KCNT2: variants seen among roughly 807,000 people sequenced by gnomAD.
KCNT2 encodes the protein potassium channel subfamily T member 2.
KCNT2 carries 67 observed loss-of-function variants against 153.8 expected under a neutral mutation model. That is an observed-to-expected ratio of 0.44 (90% CI 0.36 to 0.53). The LOEUF (loss-of-function observed/expected upper bound fraction) is 0.53, where lower values mean the gene tolerates loss of function less well. KCNT2 is among the 20% of genes least tolerant of loss of function. KCNT2 has a pLI of 0.00. For synonymous variants in KCNT2, 500 were observed against 458.8 expected (o/e 1.09, Z -1.15); for missense variants, 975 against 1,354.8 (o/e 0.72, Z 4.40).
intron 14 of KCNT2, among the ~76,000 whole-genome samples, chr1:196,353,340 T>G (rs1666904563): frequency 1.3e-5 from 2 of 151,904 alleles, no homozygotes; most frequent in Admixed American, 6.6e-5. Context: ...ACCACTGTGC[T>G]CCTCTATCTG....
At chr1:196,549,486 T>C (rs1657605091) in intron 1 of KCNT2, among the ~76,000 whole-genome samples, 1 of 152,068 alleles carries the variant, frequency 6.6e-6, no homozygotes, top group East Asian at 1.9e-4. Flanking sequence ...TTCACAAACA[T>C]CTCTGTGATA....
intron 1 of KCNT2, among the ~76,000 whole-genome samples, chr1:196,566,399 A>G (rs566448005): frequency 6.6e-6 from 1 of 152,206 alleles, no homozygotes; most frequent in African/African-American, 2.4e-5. Context: ...TTCAGTCATG[A>G]AGAAGGAATG....
chr1:196,495,373 A>G (rs1161876247), intron 1 of KCNT2, among the ~76,000 whole-genome samples: 1 of 152,068 alleles, frequency 6.6e-6, no homozygotes, highest in Non-Finnish European at 1.5e-5. Context: ...GCACCCAGGT[A>G]TTTAGTTCAG....
At chr1:196,398,719 T>TAATA (rs1558242679) in intron 12 of KCNT2, 48 bp from the exon 13 acceptor site, 2 of 992,298 alleles carry the variant, frequency 2.0e-6, no homozygotes, top group Non-Finnish European at 3.1e-6. Flanking sequence ...ACAATGTTTA[T>TAATA]AACATATAAA....
At chr1:196,584,644 A>G (rs1438030030) in intron 1 of KCNT2, among the ~76,000 whole-genome samples, 1 of 152,156 alleles carries the variant, frequency 6.6e-6, no homozygotes, top group Non-Finnish European at 1.5e-5. Flanking sequence ...ATATTGTCAA[A>G]CATTGTAGTA....
Position 196,467,789 on chromosome 1 carries a change from G to A in KCNT2, c.460-3C>T, listed in dbSNP as rs1156987381. The A allele has an allele frequency of 3.8e-6, 6 of 1,585,442 alleles. No homozygotes were observed. In the East Asian group the frequency reaches 9.0e-5, roughly 24 times the overall value. ...TTCCTTAAGGAAGGCCAGAATATCT[G>A]GAAAACAAAACAAAACAAAACTAGA... On this transcript the variant is annotated splice_polypyrimidine_tract_variant and splice_region_variant and intron_variant, in intron 6 of 27. Coordinates refer to ENST00000294725, the MANE Select transcript of KCNT2 (RefSeq NM_198503.5).
chr1:196,389,945 A>G (rs560292322), intron 13 of KCNT2, among the ~76,000 whole-genome samples: 8 of 151,726 alleles, frequency 5.3e-5, no homozygotes, highest in African/African-American at 1.4e-4. Flanking sequence ...CTGTCTGAGC[A>G]CTGAGAATTG....
intron 14 of KCNT2, among the ~76,000 whole-genome samples, chr1:196,354,300 T>C (rs538975550): frequency 3.3e-4 from 50 of 151,820 alleles, no homozygotes; most frequent in Non-Finnish European, 3.4e-4. Context: ...AGTTTGCTAG[T>C]ACATTTTGTT....
intron 13 of KCNT2, among the ~76,000 whole-genome samples, chr1:196,378,897 T>TC (rs1171384294): frequency 6.7e-6 from 1 of 149,526 alleles, no homozygotes; most frequent in Non-Finnish European, 1.5e-5. Flanking sequence ...AACTACTACC[T>TC]CCCCCAGTAT....
intron 27 of KCNT2, among the ~76,000 whole-genome samples, chr1:196,230,125 G>T (rs1235996164): frequency 6.6e-6 from 1 of 151,994 alleles, no homozygotes; most frequent in Non-Finnish European, 1.5e-5. Context: ...TAGTACTTAA[G>T]TAGCTAGAGA....
chr1:196,414,439 GA>G (rs542793910), intron 12 of KCNT2, among the ~76,000 whole-genome samples: 11 of 151,640 alleles, frequency 7.3e-5, no homozygotes, highest in Non-Finnish European at 1.6e-4. Context: ...GTTATTCTTG[GA>G]ATTGAGGCTA....
At chr1:196,504,147 A>G (rs10737672) in intron 1 of KCNT2, among the ~76,000 whole-genome samples, 129,960 of 151,718 alleles carry the variant, frequency 0.86, 56,508 homozygotes, top group South Asian at 0.99. Context: ...GGTTAGTTAC[A>G]TATGTATACA....
chr1:196,333,546 A>G (rs1664696207), intron 17 of KCNT2, among the ~76,000 whole-genome samples: 2 of 152,126 alleles, frequency 1.3e-5, no homozygotes, highest in African/African-American at 4.8e-5. Context: ...AATTATGAAA[A>G]TGAAGCTTAT....
Position 196,277,978 on chromosome 1 carries a change from T to C in KCNT2, c.2910+2882A>G, listed in dbSNP as rs1658733375. The stretch of plus-strand genomic sequence containing the variant: ...GTAAGAGATATGCACTTTAATGGTA[T>C]TTTTTTCATCTTGCAAAGCTATGAG... On this transcript the variant is annotated intron_variant, in intron 25 of 27. Transcript: ENST00000294725. 3.9e-5 allele frequency among the ~76,000 whole-genome samples: 6 copies of C among 152,120 alleles called. No homozygotes were observed. In the South Asian group the frequency reaches 6.2e-4, roughly 16 times the overall value.
chr1:196,283,733 G>T (rs1001269028), intron 23 of KCNT2, among the ~76,000 whole-genome samples: 1 of 151,952 alleles, frequency 6.6e-6, no homozygotes, highest in Non-Finnish European at 1.5e-5. Flanking sequence ...TTTTAAAAAA[G>T]CCACAAAATA....
At chr1:196,471,416 T>G (rs184237173) in intron 5 of KCNT2, among the ~76,000 whole-genome samples, 1 of 151,516 alleles carries the variant, frequency 6.6e-6, no homozygotes, top group African/African-American at 2.4e-5. Flanking sequence ...TTATGCCATG[T>G]TTTTTTTTAA....
At chr1:196,235,954 T>C (rs2102236114) in intron 27 of KCNT2, 32 bp downstream of exon 27, 1 of 1,294,104 alleles carries the variant, frequency 7.7e-7, no homozygotes. Flanking sequence ...TCTAAAAATA[T>C]CTGTCTTATA....
Position 196,469,010 on chromosome 1 carries a change from A to C in KCNT2, c.443T>G (p.Val148Gly), listed in dbSNP as rs1461108867. Residue 148 changes from valine (V) to glycine (G), a missense_variant, in exon 6 of 28, where the codon GTT (valine) becomes GGT (glycine). Val to Gly is a moderately radical substitution (Grantham distance 109, BLOSUM62 -3). Transcript: ENST00000294725. The part of the protein sequence containing the change: ...IPFILEIINA[V>G]PFIISIFWPS... ...AGGACTTACTGAGATAATGAAGGGA[A>C]CTGCATTAATTATTTCCAAGATGAA... 1.3e-6 allele frequency: 2 copies of C among 1,596,954 alleles called. No individual in the cohort carries two copies. The highest frequency in any genetic ancestry group is 1.7e-5 in the Admixed American group (1 of 59,370).
chr1:196,576,892 C>G (rs901649916), intron 1 of KCNT2, among the ~76,000 whole-genome samples: 1 of 152,004 alleles, frequency 6.6e-6, no homozygotes, highest in Non-Finnish European at 1.5e-5. Flanking sequence ...GTGATGAATT[C>G]AATTAAGTTA....
Sources: allele counts gnomAD v4.1 joint callset (sites outside exome capture counted in the v4.1 genomes callset), GRCh38; gene constraint gnomAD v4.1.1; transcripts MANE v1.5; gene names NCBI Gene and HGNC (gene_info 2026-07-23, HGNC 2026-07-21).